The following PLEC variants were observed in gnomAD, a reference collection of about 807,000 sequenced individuals.
PLEC encodes the protein plectin, also known as hemidesmosomal protein 1.
PLEC carries 216 observed loss-of-function variants against 392.8 expected under a neutral mutation model. That is an observed-to-expected ratio of 0.55 (90% CI 0.49 to 0.62). The LOEUF is 0.62. PLEC is among the 20% of genes least tolerant of loss of function. The probability of loss-of-function intolerance (pLI) is 0.00; values close to 1 mark genes in which losing one functional copy is unlikely to be tolerated. For missense variants in PLEC, 6,863 were observed against 6,563.4 expected (o/e 1.05, Z -1.58); for synonymous variants, 3,621 against 2,980.6 (o/e 1.21, Z -7.00).
chr8:143,927,227 C>A, intron 28 of PLEC, 25 bp downstream of exon 28: 1 of 1,608,068 alleles, frequency 6.2e-7, no homozygotes, highest in East Asian at 2.2e-5. Context: ...GGACTTGGGG[C>A]CTGGTGCAGG....
intron 1 of PLEC, among the ~76,000 whole-genome samples, chr8:143,959,065 C>T (rs1832742056): frequency 6.6e-6 from 1 of 152,210 alleles, no homozygotes; most frequent in African/African-American, 2.4e-5. Context: ...AAATAAATGA[C>T]CCTTGTAGCA....
In PLEC at chr8:143,918,579, C is replaced by G. The variant is rs1554675716; in HGVS notation, c.11242G>C (p.Val3748Leu). The change falls in exon 32 of 32, where the codon GTG becomes CTG. Residue 3748 changes from valine to leucine, a missense_variant. By Grantham distance (32) the Val-to-Leu change is conservative (BLOSUM62 1). Transcript: ENST00000345136. Reference protein sequence around the residue: ...KGERLTVDEAVRKGLVGPELH... With the variant: ...KGERLTVDEALRKGLVGPELH... ...TCGGGCCCCACGAGGCCCTTCCGCA[C>G]AGCCTCATCCACAGTCAGCCGCTCC... 6.2e-7 allele frequency: 1 copy of G among 1,612,008 alleles called. No individual in the cohort carries two copies. Among genetic ancestry groups the G allele is most frequent in the Admixed American group, 1.7e-5 (1 of 59,984 alleles).
rs781983525 is a variant in PLEC, at chr8:143,923,861, C to T, written c.6068G>A (p.Arg2023His). 15 of 1,591,386 alleles carry T rather than the reference C, an allele frequency of 9.4e-6. No homozygotes were observed. The highest frequency in any genetic ancestry group is 4.4e-5 in the South Asian group (4 of 90,122). The change falls in exon 31 of 32, where the codon CGC (arginine) becomes CAC (histidine). Residue 2023 changes from arginine to histidine, a missense_variant. Physicochemically the swap from Arg to His is conservative, Grantham distance 29 (BLOSUM62 0). Coordinates refer to ENST00000345136, the MANE Select transcript of PLEC (RefSeq NM_201384.3). ...RLKAKVEEAR[R>H]LRERAEQESA... The stretch of plus-strand genomic sequence containing the variant: ...CTCCTGCTCCGCTCGCTCCCGCAGG[C>T]GCCGCGCCTCCTCCACCTTGGCTTT...
chr8:143,926,874 G>A lies in PLEC; in HGVS notation c.3954C>T (p.Asp1318=), dbSNP rs1554706146. 3.7e-6 allele frequency: 6 copies of A among 1,612,450 alleles called. No individual in the cohort carries two copies. Among genetic ancestry groups the A allele is most frequent in the Non-Finnish European group, 2.5e-6 (3 of 1,178,982 alleles). The change falls in exon 30 of 32, where the codon GAC becomes GAT. Residue 1318 remains aspartate, a synonymous_variant. Coordinates refer to ENST00000345136, the MANE Select transcript of PLEC (RefSeq NM_201384.3). Reference sequence around the variant, plus strand: ...TCAGCTCGCTGTAGTGCGTACGCAGGTCCACGTACTGTGGAGTAGAGCCAG... The same window carrying A: ...TCAGCTCGCTGTAGTGCGTACGCAGATCCACGTACTGTGGAGTAGAGCCAG... ...GSESVIQEYV[D]LRTHYSELTT...
rs781855382 is a variant in PLEC at position 143,925,390 on chromosome 8, C to G, written c.4539G>C (p.Ala1513=). Residue 1513 remains alanine (A), a synonymous_variant, in exon 31 of 32, where the codon GCG becomes GCC. Transcript: ENST00000345136. ...VQDESQRKRQ[A]EVELASRVKA... ...TCACGCGCGAGGCCAGCTCCACCTC[C>G]GCCTGCCGCTTACGCTGGCTCTCGT... 3.8e-6 allele frequency: 6 copies of G among 1,580,492 alleles called. No individual in the cohort carries two copies. The highest frequency in any genetic ancestry group is 3.4e-5 in the South Asian group (3 of 88,786).
chr8:143,925,889 G>T lies in PLEC; in HGVS notation c.4045-5C>A. ...CCGCTGCTGCTCAGCCAGCCTCTGT[G>T]GCCACAGCAGAGAGAAGAAGAGAAG... On this transcript the variant is annotated splice_region_variant and splice_polypyrimidine_tract_variant and intron_variant, in intron 30 of 31. Coordinates refer to ENST00000345136, the MANE Select transcript of PLEC (RefSeq NM_201384.3). 6.5e-7 allele frequency: 1 copy of T among 1,540,320 alleles called. No individual in the cohort carries two copies. Among genetic ancestry groups the T allele is most frequent in the Non-Finnish European group, 8.7e-7 (1 of 1,148,948 alleles).
upstream of PLEC, among the ~76,000 whole-genome samples, chr8:143,943,049 C>T (rs1216070322): frequency 1.3e-5 from 2 of 152,208 alleles, no homozygotes; most frequent in African/African-American, 2.4e-5. Flanking sequence ...CAAGTCCCAT[C>T]CTGGCAGCTG....
chr8:143,917,013 A>C lies in PLEC; in HGVS notation c.12808T>G (p.Trp4270Gly), dbSNP rs781799112. Residue 4270 changes from tryptophan (W) to glycine (G), a missense_variant, in exon 32 of 32, where the codon TGG (tryptophan) becomes GGG (glycine). Trp to Gly is a radical substitution (Grantham distance 184). Coordinates refer to ENST00000345136, the MANE Select transcript of PLEC (RefSeq NM_201384.3). Reference sequence around the variant, plus strand: ...CCCGTCTCCTCAGTGGGGTCTGACCAGGAGGCCAGCTGGGTCCTGGAGACG... The same window carrying C: ...CCCGTCTCCTCAGTGGGGTCTGACCCGGAGGCCAGCTGGGTCCTGGAGACG... ...PAVSRTQLAS[W>G]SDPTEETGPV... 1.2e-6 allele frequency: 2 copies of C among 1,612,492 alleles called. No homozygotes were observed. The highest frequency in any genetic ancestry group is 4.5e-5 in the East Asian group (2 of 44,856).
chr8:143,927,707 C>T lies in PLEC; in HGVS notation c.3459G>A (p.Leu1153=), dbSNP rs1564085207. 6.3e-7 allele frequency: 1 copy of T among 1,587,478 alleles called. No homozygotes were observed. The highest frequency in any genetic ancestry group is 8.6e-7 in the Non-Finnish European group (1 of 1,165,634). Residue 1153 remains leucine, a synonymous_variant, in exon 27 of 32, where the codon CTG becomes CTA. Transcript: ENST00000345136. ...GCTCCCCCACCTCCTGTGCCCCCCGCAGCTCATCCCGCAGGGCGTCGAACG... is the reference window on the plus strand; with the variant it reads ...GCTCCCCCACCTCCTGTGCCCCCCGTAGCTCATCCCGCAGGGCGTCGAACG... ...QPTFDALRDE[L]RGAQEVGERL...
At chr8:143,942,598 G>T (rs967562655), upstream of PLEC, 18 of 1,430,578 alleles carry the variant, frequency 1.3e-5, no homozygotes, top group East Asian at 3.8e-4. Context: ...TCCAGCCCAC[G>T]CTGCGAGGCT....
upstream of PLEC, among the ~76,000 whole-genome samples, chr8:143,954,872 AGCAAGGCCTTTCCTCTGCCTTCACCC>A (rs1333647653): frequency 6.6e-6 from 1 of 152,222 alleles, no homozygotes; most frequent in African/African-American, 2.4e-5. The surrounding 1 kb of genome is among the most constrained non-coding windows in gnomAD (Gnocchi z 4.6). Flanking sequence ...CTCAGTCTCC[AGCAAGGCCTTTCCTCTGCCTTCACCC>A]GCAAGTCCTT....
upstream of PLEC, among the ~76,000 whole-genome samples, chr8:143,974,416 C>T (rs1033164853): frequency 2.0e-5 from 3 of 152,216 alleles, no homozygotes; most frequent in Non-Finnish European, 4.4e-5. The surrounding 1 kb of genome is among the most constrained non-coding windows in gnomAD (Gnocchi z 5.9). Context: ...TGTGAAAAGC[C>T]CTGAAGGTCA....
At chr8:143,930,565 G>C (rs1826938628) in intron 19 of PLEC, 29 bp from the exon 20 acceptor site, 1 of 1,564,566 alleles carries the variant, frequency 6.4e-7, no homozygotes, top group African/African-American at 1.4e-5. Context: ...ATCCAGACGA[G>C]GGCCATGGAG....
At position 143,919,245 on chromosome 8, in the gene PLEC, G is replaced by A. The variant is rs1478695638; in HGVS notation, c.10576C>T (p.Leu3526=). 8 of 1,613,814 alleles carry A rather than the reference G, an allele frequency of 5.0e-6. No individual in the cohort carries two copies. Among genetic ancestry groups the A allele is most frequent in the Non-Finnish European group, 6.8e-6 (8 of 1,180,050 alleles). Residue 3526 remains leucine, a synonymous_variant, in exon 32 of 32, where the codon CTG becomes TTG. Transcript: ENST00000345136. ...GGGTCCTCCACGCACCGCTCCAGCA[G>A]CTGCCTGTACGTGAGGTTCTCATGC... ...NTHENLTYRQ[L]LERCVEDPET...
Position 143,932,516 on chromosome 8 carries a change from A to G in PLEC, c.1861T>C (p.Phe621Leu), listed in dbSNP as rs782623703. 6.2e-7 allele frequency: 1 copy of G among 1,612,594 alleles called. No individual in the cohort carries two copies. Among genetic ancestry groups the G allele is most frequent in the Non-Finnish European group, 8.5e-7 (1 of 1,179,924 alleles). Residue 621 changes from phenylalanine to leucine, a missense_variant, in exon 16 of 32, where the codon TTT becomes CTT. Physicochemically the swap from Phe to Leu is conservative, Grantham distance 22. Coordinates refer to ENST00000345136, the MANE Select transcript of PLEC (RefSeq NM_201384.3). The part of the protein sequence containing the change: ...RLRSLESLHS[F>L]VAAATKELMW... ...AGCTCCTTAGTGGCGGCTGCCACAAAGCTGTGCAAGCTCTCCAGGGACCTG... is the reference window on the plus strand; with the variant it reads ...AGCTCCTTAGTGGCGGCTGCCACAAGGCTGTGCAAGCTCTCCAGGGACCTG...
chr8:143,970,039 G>A (rs1554743694), intron 1 of PLEC, among the ~76,000 whole-genome samples: 1 of 152,124 alleles, frequency 6.6e-6, no homozygotes, highest in Non-Finnish European at 1.5e-5. Flanking sequence ...GGCCTGCCCA[G>A]TGCCACTGTG....
chr8:143,918,078 G>C lies in PLEC; in HGVS notation c.11743C>G (p.Leu3915Val), dbSNP rs371171141. 2 of 1,597,996 alleles carry C rather than the reference G, an allele frequency of 1.3e-6. No homozygotes were observed. Among genetic ancestry groups the C allele is most frequent in the Admixed American group, 1.7e-5 (1 of 58,352 alleles). The change falls in exon 32 of 32, where the codon CTG becomes GTG. Residue 3915 changes from leucine to valine, a missense_variant. Transcript: ENST00000345136. ...EATALQLREG[L>V]TSIEEVTKNL... Reference sequence around the variant, plus strand: ...TTGGTGACCTCCTCGATGGAGGTCAGGCCCTCCCGCAGCTGCAGCGCCGTG... The same window carrying C: ...TTGGTGACCTCCTCGATGGAGGTCACGCCCTCCCGCAGCTGCAGCGCCGTG...
rs782470736 is a variant in PLEC, at chr8:143,932,999, C to A, written c.1531G>T (p.Val511Leu). The change falls in exon 14 of 32, where the codon GTG becomes TTG. Residue 511 changes from valine (V) to leucine (L), a missense_variant. Transcript: ENST00000345136. ...TCCTCCAGCTCGGGGCGCCTCTGCACACTCTGCAGAGTCACCTGGGCCACC... is the reference window on the plus strand; with the variant it reads ...TCCTCCAGCTCGGGGCGCCTCTGCAAACTCTGCAGAGTCACCTGGGCCACC... ...TQVAQVTLQS[V>L]QRRPELEDST... 5.0e-6 allele frequency: 8 copies of A among 1,608,668 alleles called. No individual in the cohort carries two copies. The African/African-American group carries it at 9.4e-5, about 19-fold the overall frequency.
upstream of PLEC, among the ~76,000 whole-genome samples, chr8:143,975,014 G>C (rs375499366): frequency 5.3e-5 from 8 of 152,324 alleles, no homozygotes; most frequent in East Asian, 1.4e-3. The surrounding 1 kb of genome is among the most constrained non-coding windows in gnomAD (Gnocchi z 9.9). Flanking sequence ...GGCAGGTGGC[G>C]CTGTGCCGCC....
Sources: gnomAD v4.1 joint callset for allele counts (sites outside exome capture counted in the v4.1 genomes callset) on GRCh38, gnomAD v4.1.1 for gene constraint, Gnocchi (gnomAD v3.1) non-coding constraint, MANE v1.5 for transcripts, NCBI Gene and HGNC (gene_info 2026-07-23, HGNC 2026-07-21) for gene names.